CNTNAP5: variants seen among roughly 807,000 people sequenced by gnomAD.
CNTNAP5 encodes the protein contactin associated protein family member 5, also known as contactin-associated protein-like 5.
Under a neutral mutation model 150.2 loss-of-function variants are expected in CNTNAP5, and 72 were observed. The observed-to-expected ratio is 0.48, with a 90% CI of 0.40 to 0.58. The LOEUF (loss-of-function observed/expected upper bound fraction) is 0.58, where lower values mean the gene tolerates loss of function less well. Ranked by LOEUF, CNTNAP5 falls within the 20% of genes least tolerant of loss-of-function variation. The probability of loss-of-function intolerance (pLI) is 0.00; values close to 1 mark genes in which losing one functional copy is unlikely to be tolerated. For synonymous variants in CNTNAP5, 672 were observed against 619.8 expected (o/e 1.08, Z -1.25); for missense variants, 1,636 against 1,626.2 (o/e 1.01, Z -0.10).
Position 124,391,368 on chromosome 2 carries a change from G to A in CNTNAP5, c.382-26075G>A, listed in dbSNP as rs899562534. 2.6e-5 allele frequency among the ~76,000 whole-genome samples: 4 copies of A among 152,120 alleles called. No homozygotes were observed. The East Asian group carries it at 7.7e-4, about 29-fold the overall frequency. On this transcript the variant is annotated intron_variant, in intron 3 of 23. Coordinates refer to ENST00000682447, the MANE Select transcript of CNTNAP5 (RefSeq NM_001367498.1). ...ATTTAAAATGGAAAGAAGACACAAT[G>A]TGATCACAAAAATGGGTGGACATGA...
At position 124,446,801 on chromosome 2, in the gene CNTNAP5, G is replaced by A. The variant is rs755004566; in HGVS notation, c.782G>A (p.Gly261Asp). ...AGCAGCTTGCCCTCTGCCACCCTGG[G>A]CAGCCTCCTGGATGACCAGCACTGG... ...LSSSLPSATLGSLLDDQHWHS... is the reference protein window; with the variant it reads ...LSSSLPSATLDSLLDDQHWHS... The change falls in exon 6 of 24, where the codon GGC becomes GAC. Residue 261 changes from glycine to aspartate, a missense_variant. By Grantham distance (94) the Gly-to-Asp change is moderately conservative. Transcript: ENST00000682447. 3.1e-6 allele frequency: 5 copies of A among 1,613,724 alleles called. No homozygotes were observed. Among genetic ancestry groups the A allele is most frequent in the African/African-American group, 2.7e-5 (2 of 74,880 alleles).
At chr2:124,377,987 G>T (rs1018758916) in intron 3 of CNTNAP5, among the ~76,000 whole-genome samples, 1 of 152,020 alleles carries the variant, frequency 6.6e-6, no homozygotes, top group Non-Finnish European at 1.5e-5. Flanking sequence ...GTGTTTCTAG[G>T]AGCCAATGCT....
At chr2:124,045,991 AC>A (rs1200080831) in intron 1 of CNTNAP5, among the ~76,000 whole-genome samples, 1 of 152,164 alleles carries the variant, frequency 6.6e-6, no homozygotes, top group Non-Finnish European at 1.5e-5. Context: ...TTTATATTTC[AC>A]CCAATTTCCA....
intron 19 of CNTNAP5, among the ~76,000 whole-genome samples, chr2:124,858,238 TCAATTAGGA>T (rs1197674757): frequency 4.6e-5 from 7 of 152,144 alleles, no homozygotes; most frequent in Admixed American, 2.0e-4. Flanking sequence ...TAAAGGGTAT[TCAATTAGGA>T]AAAGAGGAAG....
chr2:124,710,055 G>A (rs992394427), intron 13 of CNTNAP5, among the ~76,000 whole-genome samples: 42 of 152,174 alleles, frequency 2.8e-4, no homozygotes, highest in African/African-American at 9.9e-4. Flanking sequence ...CATCTGTAGT[G>A]ACTGAGTAGA....
At chr2:124,453,006 C>A (rs146023205) in intron 6 of CNTNAP5, among the ~76,000 whole-genome samples, 2 of 152,138 alleles carry the variant, frequency 1.3e-5, no homozygotes, top group Admixed American at 6.5e-5. Flanking sequence ...AGCTTTCCAG[C>A]AATGGATCCA....
At chr2:124,543,968 A>C (rs1275303041) in intron 10 of CNTNAP5, among the ~76,000 whole-genome samples, 1 of 152,118 alleles carries the variant, frequency 6.6e-6, no homozygotes, top group African/African-American at 2.4e-5. Context: ...TTTCCTGCTA[A>C]TTTTCTTGTT....
At position 124,353,248 on chromosome 2, in the gene CNTNAP5, C is replaced by G. The variant is rs191789004; in HGVS notation, c.382-64195C>G. 4.8e-3 allele frequency among the ~76,000 whole-genome samples: 698 copies of G among 146,468 alleles called. 6 individuals are homozygous for G. Among genetic ancestry groups the G allele is most frequent in the African/African-American group, 0.016 (641 of 39,704 alleles). ...AAATCCAGCTTCAGTCTTTGATCCC[C>G]TTGTTTCAAATTTCTCACTAAAACA... On this transcript the variant is annotated intron_variant, in intron 3 of 23. Transcript: ENST00000682447.
intron 6 of CNTNAP5, among the ~76,000 whole-genome samples, chr2:124,453,087 T>C (rs1248247425): frequency 2.0e-5 from 3 of 151,758 alleles, no homozygotes; most frequent in Admixed American, 2.0e-4. Context: ...ATCAGTGAGA[T>C]ACCAGAGAAA....
intron 12 of CNTNAP5, among the ~76,000 whole-genome samples, chr2:124,611,786 C>T (rs1677390054): frequency 1.3e-5 from 2 of 152,180 alleles, no homozygotes; most frequent in Admixed American, 1.3e-4. Flanking sequence ...TGCTGAGTGG[C>T]CAGGTGTGAC....
intron 1 of CNTNAP5, among the ~76,000 whole-genome samples, chr2:124,140,408 A>G (rs1684091145): frequency 6.9e-6 from 1 of 145,624 alleles, no homozygotes; most frequent in Non-Finnish European, 1.5e-5. Flanking sequence ...CTTTGAAGAG[A>G]GCAGTGGTTC....
chr2:124,197,906 G>A (rs904414426), intron 1 of CNTNAP5, among the ~76,000 whole-genome samples: 3 of 151,868 alleles, frequency 2.0e-5, no homozygotes, highest in Non-Finnish European at 2.9e-5. Flanking sequence ...GCGTGAACCC[G>A]GGAAGCGGAG....
intron 3 of CNTNAP5, among the ~76,000 whole-genome samples, chr2:124,416,417 T>A (rs761578999): frequency 3.5e-4 from 54 of 152,130 alleles, no homozygotes; most frequent in Middle Eastern, 3.4e-3. Flanking sequence ...ATGTCATTCA[T>A]GTTGTTCACA....
chr2:124,820,435 T>C (rs543777307), intron 19 of CNTNAP5, among the ~76,000 whole-genome samples: 41 of 151,068 alleles, frequency 2.7e-4, no homozygotes, highest in Admixed American at 2.1e-3. Context: ...AGTTGCTTCC[T>C]AATCCCTCTC....
rs548159346 is a variant in CNTNAP5, at chr2:124,500,720, C to G, written c.1063-3572C>G. Among the ~76,000 whole-genome samples the G allele has an allele frequency of 1.5e-4, 22 of 151,724 alleles. 2 individuals are homozygous for G. The highest frequency in any genetic ancestry group is 5.3e-4 in the African/African-American group (22 of 41,304). The stretch of plus-strand genomic sequence containing the variant: ...AAAAACAGACATTGTCTGGGGATCC[C>G]TAGGGGCAAATGTCTACTCCATCTT... On this transcript the variant is annotated intron_variant, in intron 7 of 23. Coordinates refer to ENST00000682447, the MANE Select transcript of CNTNAP5 (RefSeq NM_001367498.1).
rs1277220165 is a variant in CNTNAP5 at position 124,147,071 on chromosome 2, T to A, written c.83-74634T>A. 4.6e-5 allele frequency among the ~76,000 whole-genome samples: 7 copies of A among 152,188 alleles called. No homozygotes were observed. The East Asian group carries it at 1.4e-3, about 29-fold the overall frequency. On this transcript the variant is annotated intron_variant, in intron 1 of 23. Transcript: ENST00000682447. ...ATGCTTTCTCGAAGTAATCCAAAGA[T>A]GATACAAAAAGGGGAAAAATGTGCA... is the stretch of plus-strand genomic sequence containing the variant.
chr2:124,709,219 G>A (rs1679756145), intron 13 of CNTNAP5, among the ~76,000 whole-genome samples: 1 of 139,964 alleles, frequency 7.1e-6, no homozygotes, highest in African/African-American at 2.7e-5. Context: ...GAGGGAGGGT[G>A]TGTGTGTGTG....
intron 1 of CNTNAP5, among the ~76,000 whole-genome samples, chr2:124,153,365 C>T (rs75467174): frequency 0.053 from 8,037 of 152,130 alleles, 410 homozygotes; most frequent in East Asian, 0.23. Context: ...ACTAGGCTGC[C>T]GGAGAAGTGA....
chr2:124,630,798 A>G (rs1226256900), intron 12 of CNTNAP5, among the ~76,000 whole-genome samples: 1 of 152,104 alleles, frequency 6.6e-6, no homozygotes, highest in Non-Finnish European at 1.5e-5. Context: ...TTTGTTTTAG[A>G]TGACATAATC....
Sources: gnomAD v4.1 joint callset for allele counts (sites outside exome capture counted in the v4.1 genomes callset) on GRCh38, gnomAD v4.1.1 for gene constraint, MANE v1.5 for transcripts, NCBI Gene and HGNC (gene_info 2026-07-23, HGNC 2026-07-21) for gene names.